IPO11: variants seen among roughly 807,000 people sequenced by gnomAD.
IPO11 encodes importin 11, also known as importin-11.
A neutral mutation model predicts 143.2 loss-of-function variants in IPO11; 66 were observed. The observed-to-expected ratio is 0.46, with a 90% CI of 0.38 to 0.57. IPO11 has a LOEUF of 0.57. Among genes scored for constraint, IPO11 ranks in the 20% least tolerant of loss-of-function variants. The pLI, the probability that IPO11 is intolerant of heterozygous loss-of-function variation, is 0.00. For missense variants in IPO11, 1,026 were observed against 1,141.0 expected, an observed-to-expected ratio of 0.90 and a Z score of 1.45; for synonymous variants, 385 against 377.8, an observed-to-expected ratio of 1.02 and a Z score of -0.22.
At chr5:62,580,139 C>A in intron 27 of IPO11, 4 of 1,550,590 alleles carry the variant, frequency 2.6e-6, no homozygotes, top group Non-Finnish European at 2.6e-6. Flanking sequence ...AGAAGACTTT[C>A]TTTGTCTCAT....
Position 62,506,318 on chromosome 5 carries a change from G to A in IPO11, c.1743G>A (p.Leu581=), listed in dbSNP as rs1580259079. Residue 581 remains leucine (L), a synonymous_variant, in exon 19 of 30, where the codon TTG becomes TTA. Coordinates refer to ENST00000325324, the MANE Select transcript of IPO11 (RefSeq NM_016338.5). ...VTECDTKMHV[L]HVLSCVIERV... ...AATGTGACACAAAGATGCATGTTTT[G>A]CATGTCCTTTCTTGTGTGATCGAAA... is the stretch of plus-strand genomic sequence containing the variant. 2 of 1,610,760 alleles carry A rather than the reference G, an allele frequency of 1.2e-6. No homozygotes were observed.
At chr5:62,476,831 C>T (rs927299860) in intron 9 of IPO11, 78 bp downstream of exon 9, 1 of 1,352,130 alleles carries the variant, frequency 7.4e-7, no homozygotes, top group Non-Finnish European at 9.8e-7. Flanking sequence ...ATTTTTATAA[C>T]CATACATTTT....
rs994838934 is a variant in IPO11 at position 62,573,252 on chromosome 5, C to A, written c.2582+11995C>A. On this transcript the variant is annotated intron_variant, in intron 27 of 29. Coordinates refer to ENST00000325324, the MANE Select transcript of IPO11 (RefSeq NM_016338.5). ...CATTGTATGAGGGTAATCATAGTACCCTACTTTATAGGGCTCCTGTGAGGA... is the reference window on the plus strand; with the variant it reads ...CATTGTATGAGGGTAATCATAGTACACTACTTTATAGGGCTCCTGTGAGGA... Among the ~76,000 whole-genome samples, 7 of 151,908 alleles carry A rather than the reference C, an allele frequency of 4.6e-5. No individual in the cohort carries two copies. The South Asian group carries it at 1.5e-3, about 32-fold the overall frequency.
chr5:62,571,892 G>A (rs143378687), intron 27 of IPO11, among the ~76,000 whole-genome samples: 1 of 152,028 alleles, frequency 6.6e-6, no homozygotes, highest in African/African-American at 2.4e-5. Context: ...CACCATGTTG[G>A]CCAGGCTGGT....
intron 24 of IPO11, among the ~76,000 whole-genome samples, chr5:62,544,026 C>T (rs1460531344): frequency 6.6e-6 from 1 of 152,052 alleles, no homozygotes; most frequent in East Asian, 1.9e-4. Flanking sequence ...ATCCTGAGTT[C>T]TAGTTTGATT....
At position 62,451,786 on chromosome 5, in the gene IPO11, A is replaced by G; in HGVS notation, c.369A>G (p.Arg123=). Residue 123 remains arginine (R), a synonymous_variant, in exon 5 of 30, where the codon AGA becomes AGG. Transcript: ENST00000325324. ...IAKVARLDCP[R]QWPELIPTLI... ...AAGTTGCTAGATTGGATTGTCCCAG[A>G]CAGTGGCCTGAACTAATTCCCACTC... 6.2e-7 allele frequency: 1 copy of G among 1,614,174 alleles called. No homozygotes were observed.
At chr5:62,610,173 C>T (rs1242997900) in intron 29 of IPO11, among the ~76,000 whole-genome samples, 9 of 152,146 alleles carry the variant, frequency 5.9e-5, no homozygotes, top group Admixed American at 5.9e-4. Flanking sequence ...TGAATAAAAG[C>T]ATAGGCTTGA....
chr5:62,506,389 AG>A, intron 19 of IPO11, 32 bp downstream of exon 19: 1 of 890,492 alleles, frequency 1.1e-6, no homozygotes. Context: ...AAAATAAATG[AG>A]GGGTGGGTAG....
At chr5:62,605,478 C>T (rs1290274203) in intron 29 of IPO11, among the ~76,000 whole-genome samples, 1 of 152,124 alleles carries the variant, frequency 6.6e-6, no homozygotes, top group Non-Finnish European at 1.5e-5. Flanking sequence ...TAGAATAGCA[C>T]ATGCAGCTCA....
At chr5:62,435,452 G>A (rs1424852174) in intron 1 of IPO11, among the ~76,000 whole-genome samples, 5 of 151,156 alleles carry the variant, frequency 3.3e-5, no homozygotes, top group Non-Finnish European at 7.4e-5. Context: ...AAAAAAATTA[G>A]CTGGGCCCGG....
intron 1 of IPO11, among the ~76,000 whole-genome samples, chr5:62,426,989 G>A (rs748979335): frequency 1.4e-5 from 2 of 141,506 alleles, no homozygotes; most frequent in Non-Finnish European, 3.0e-5. Flanking sequence ...CCAGGCTGGA[G>A]TGCAATGGCG....
intron 28 of IPO11, among the ~76,000 whole-genome samples, chr5:62,598,395 T>G (rs201906330): frequency 0.11 from 1,176 of 10,664 alleles, 90 homozygotes; most frequent in African/African-American, 0.19. Flanking sequence ...TTGCTTGCTT[T>G]CTTTCTTTCT....
At position 62,579,483 on chromosome 5, in the gene IPO11, G is replaced by A. The variant is rs983576818; in HGVS notation, c.2583-12094G>A. 2.6e-6 allele frequency: 4 copies of A among 1,550,580 alleles called. No individual in the cohort carries two copies. The African/African-American group carries it at 5.5e-5, about 21-fold the overall frequency. On this transcript the variant is annotated intron_variant, in intron 27 of 29. Transcript: ENST00000325324. ...CTCTGCCTTGCCTACGACTGTTTCT[G>A]GTTGTTACCTGTTATCTTTTATTAT...
At chr5:62,453,130 G>A (rs1745003240) in intron 5 of IPO11, among the ~76,000 whole-genome samples, 1 of 150,994 alleles carries the variant, frequency 6.6e-6, no homozygotes. Context: ...GGGTGACATG[G>A]TGTTTTGTAG....
intron 5 of IPO11, among the ~76,000 whole-genome samples, chr5:62,464,165 T>G (rs1745485308): frequency 6.9e-6 from 1 of 144,174 alleles, no homozygotes. Flanking sequence ...TTTTTTTTTT[T>G]TTTGAGATGC....
chr5:62,418,163 G>GTT (rs11334760), intron 1 of IPO11, among the ~76,000 whole-genome samples: 5 of 144,384 alleles, frequency 3.5e-5, no homozygotes, highest in Non-Finnish European at 3.0e-5. Flanking sequence ...CGCCTGCCTA[G>GTT]TTTTTTTTTT....
At chr5:62,567,832 G>T (rs1580333304) in intron 27 of IPO11, among the ~76,000 whole-genome samples, 1 of 151,544 alleles carries the variant, frequency 6.6e-6, no homozygotes, top group East Asian at 1.9e-4. Flanking sequence ...AAAGTGCTGG[G>T]ATTACAGGCG....
At chr5:62,475,075 A>G (rs1404367306) in intron 8 of IPO11, among the ~76,000 whole-genome samples, 1 of 152,126 alleles carries the variant, frequency 6.6e-6, no homozygotes. Context: ...AGAGGGGACT[A>G]CTGTACTGGT....
intron 27 of IPO11, among the ~76,000 whole-genome samples, chr5:62,589,916 C>G (rs1744950005): frequency 6.6e-6 from 1 of 152,148 alleles, no homozygotes; most frequent in South Asian, 2.1e-4. Context: ...CTGAGAGTAG[C>G]TAGAGATGAC....
Sources: gnomAD v4.1 joint callset for allele counts (sites outside exome capture counted in the v4.1 genomes callset) on GRCh38, gnomAD v4.1.1 for gene constraint, MANE v1.5 for transcripts, NCBI Gene and HGNC (gene_info 2026-07-23, HGNC 2026-07-21) for gene names.